DEPDC5: variants seen among roughly 807,000 people sequenced by gnomAD.
DEPDC5 encodes DEP domain containing 5, GATOR1 subcomplex subunit.
A neutral mutation model predicts 217.3 loss-of-function variants in DEPDC5; 73 were observed. That is an observed-to-expected ratio of 0.34 (90% CI 0.28 to 0.41). The LOEUF is 0.41. Among genes scored for constraint, DEPDC5 ranks in the 10% least tolerant of loss-of-function variants. The pLI is 1.00. For missense variants in DEPDC5, 1,675 were observed against 2,070.1 expected (o/e 0.81, Z 3.70); for synonymous variants, 733 against 756.7 (o/e 0.97, Z 0.51).
rs1468498635 is a variant in DEPDC5 at position 31,869,013 on chromosome 22, C to T, written c.3331-1577C>T. On this transcript the variant is annotated intron_variant, in intron 33 of 42. Transcript: ENST00000651528. ...ATCCCAGCACTTTGGGAGGCTGAGGCGGAAGGATCAGTTGAACCCAGGAGT... is the reference window on the plus strand; with the variant it reads ...ATCCCAGCACTTTGGGAGGCTGAGGTGGAAGGATCAGTTGAACCCAGGAGT... Among the ~76,000 whole-genome samples the T allele has an allele frequency of 5.3e-5, 8 of 151,938 alleles. No individual in the cohort carries two copies. In the East Asian group the frequency reaches 5.8e-4, roughly 11 times the overall value.
At chr22:31,759,335 A>G (rs1008905245) in intron 3 of DEPDC5, among the ~76,000 whole-genome samples, 2 of 151,768 alleles carry the variant, frequency 1.3e-5, no homozygotes, top group Non-Finnish European at 2.9e-5. Context: ...GATTACAGGC[A>G]TGAGCCACCA....
At chr22:31,765,359 G>T (rs142923009) in intron 5 of DEPDC5, among the ~76,000 whole-genome samples, 2,274 of 151,988 alleles carry the variant, frequency 0.015, 58 homozygotes, top group African/African-American at 0.053. Context: ...GCGTGATCTC[G>T]GCTCACTGCA....
intron 21 of DEPDC5, chr22:31,816,017 C>T (rs1475883217): frequency 2.5e-5 from 25 of 985,374 alleles, no homozygotes; most frequent in Non-Finnish European, 2.9e-5. Flanking sequence ...TCTCATTTAC[C>T]GGTCGGGCGC....
chr22:31,784,742 A>G (rs1184414297), intron 9 of DEPDC5, 72 bp from the exon 10 acceptor site: 8 of 1,442,156 alleles, frequency 5.5e-6, no homozygotes, highest in South Asian at 1.2e-5. Flanking sequence ...AGAAGAAATT[A>G]GAGAAGAAAT....
intron 8 of DEPDC5, among the ~76,000 whole-genome samples, chr22:31,780,990 G>A (rs1412910459): frequency 6.6e-6 from 1 of 152,200 alleles, no homozygotes; most frequent in Non-Finnish European, 1.5e-5. Flanking sequence ...GCCGAGGCAG[G>A]TGGTTCACCT....
chr22:31,759,699 A>T (rs1331002198), intron 3 of DEPDC5, among the ~76,000 whole-genome samples: 21 of 56,090 alleles, frequency 3.7e-4, no homozygotes, highest in South Asian at 6.0e-4. Context: ...TTTTTTTTTT[A>T]AGAGACAGAG....
intron 24 of DEPDC5, among the ~76,000 whole-genome samples, chr22:31,833,314 C>A (rs1272854100): frequency 6.6e-6 from 1 of 152,106 alleles, no homozygotes; most frequent in Non-Finnish European, 1.5e-5. Flanking sequence ...AAGAATCTTC[C>A]GGTTTTTCCT....
chr22:31,779,461 G>A (rs572513047), intron 8 of DEPDC5, among the ~76,000 whole-genome samples: 1 of 152,328 alleles, frequency 6.6e-6, no homozygotes, highest in East Asian at 1.9e-4. Context: ...AGTCAGTGTG[G>A]TGGAAGTATT....
Position 31,843,096 on chromosome 22 carries a change from C to T in DEPDC5, c.2517C>T (p.Gly839=), listed in dbSNP as rs1438310341. ...PLSSSPLYSR[G]LVSRNRPEEE... ...AGGAAATTATTATTTTTCTGTTAGG[C>T]CTTGTGTCCCGAAACCGCCCTGAGG... is the stretch of plus-strand genomic sequence containing the variant. Residue 839 remains glycine (G), a splice_region_variant and synonymous_variant, in exon 28 of 43, where the codon GGC becomes GGT. Coordinates refer to ENST00000651528, the MANE Select transcript of DEPDC5 (RefSeq NM_001242896.3). The T allele has an allele frequency of 1.2e-6, 2 of 1,610,746 alleles. No individual in the cohort carries two copies. Among genetic ancestry groups the T allele is most frequent in the East Asian group, 2.2e-5 (1 of 44,820 alleles).
chr22:31,861,280 C>T, intron 32 of DEPDC5, 88 bp from the exon 33 acceptor site: 2 of 1,196,516 alleles, frequency 1.7e-6, no homozygotes, highest in Non-Finnish European at 1.2e-6. Context: ...TACCTGTCTC[C>T]TTCCCCTGAT....
At chr22:31,892,354 G>C (rs1273783339) in intron 38 of DEPDC5, among the ~76,000 whole-genome samples, 1 of 152,198 alleles carries the variant, frequency 6.6e-6, no homozygotes, top group Non-Finnish European at 1.5e-5. Context: ...TTCTTTTAGA[G>C]CAGTTTTCGG....
chr22:31,848,451 G>A (rs912743385), intron 31 of DEPDC5, among the ~76,000 whole-genome samples: 1 of 152,196 alleles, frequency 6.6e-6, no homozygotes, highest in Admixed American at 6.5e-5. Context: ...GTACCTGCAG[G>A]CTCAACACCA....
chr22:31,866,354 C>G (rs1405853153), intron 33 of DEPDC5, among the ~76,000 whole-genome samples: 2 of 152,082 alleles, frequency 1.3e-5, no homozygotes, highest in East Asian at 3.8e-4. Flanking sequence ...TTCCCAGTCT[C>G]TTCTAATCTG....
At chr22:31,817,675 G>A (rs2089284718) in intron 21 of DEPDC5, among the ~76,000 whole-genome samples, 1 of 151,164 alleles carries the variant, frequency 6.6e-6, no homozygotes, top group Non-Finnish European at 1.5e-5. Flanking sequence ...TTTTTGTAGG[G>A]ACGGTCTCAA....
At chr22:31,815,769 G>T (rs1441408279) in intron 21 of DEPDC5, 10 of 1,208,548 alleles carry the variant, frequency 8.3e-6, no homozygotes, top group Non-Finnish European at 8.4e-6. Context: ...GGACTCGAGG[G>T]ATCCACCCAT....
intron 33 of DEPDC5, among the ~76,000 whole-genome samples, chr22:31,861,708 T>C (rs548434550): frequency 1.3e-5 from 2 of 152,384 alleles, no homozygotes; most frequent in South Asian, 4.1e-4. Context: ...TCACTGATTC[T>C]CTGCCACTTT....
rs555188656 is a variant in DEPDC5, at chr22:31,769,128, C to T, written c.413+265C>T. On this transcript the variant is annotated intron_variant, in intron 7 of 42. Transcript: ENST00000651528. ...ACAAAAAATTAGCTGGGCGTGGTGG[C>T]GGGCGCCTGTAGTCGCAGCTACTTG... 1.8e-4 allele frequency: 40 copies of T among 219,556 alleles called. 1 individual carries two copies. In the East Asian group the frequency reaches 2.9e-3, roughly 16 times the overall value. The allele number at this position is 219,556 out of a possible 1,614,324, so 13.6% of individuals were successfully genotyped here.
intron 24 of DEPDC5, among the ~76,000 whole-genome samples, chr22:31,824,774 T>C (rs978528252): frequency 1.3e-5 from 2 of 151,962 alleles, no homozygotes; most frequent in African/African-American, 4.8e-5. Flanking sequence ...GAGACCATCC[T>C]GGCTAACACA....
At chr22:31,831,089 G>C (rs1250762688) in intron 24 of DEPDC5, 1 of 150,910 alleles carries the variant, frequency 6.6e-6, no homozygotes, top group African/African-American at 2.4e-5. Context: ...GTGGCTTTTG[G>C]CTATTGACAA....
Sources: allele counts gnomAD v4.1 joint callset (sites outside exome capture counted in the v4.1 genomes callset), GRCh38; gene constraint gnomAD v4.1.1; transcripts MANE v1.5; gene names NCBI Gene and HGNC (gene_info 2026-07-23, HGNC 2026-07-21).